Variants in SLC4A7 observed in about 807,000 individuals in gnomAD.
SLC4A7 encodes sodium bicarbonate cotransporter 3.
SLC4A7 carries 51 observed loss-of-function variants against 137.6 expected under a neutral mutation model. The ratio of observed to expected loss-of-function variants is 0.37; its 90% confidence interval spans 0.30 to 0.47. The LOEUF (loss-of-function observed/expected upper bound fraction) is 0.47, where lower values mean the gene tolerates loss of function less well. Ranked by LOEUF, SLC4A7 falls within the 20% of genes least tolerant of loss-of-function variation. SLC4A7 has a pLI of 1.00. For synonymous variants in SLC4A7, 542 were observed against 518.6 expected (o/e 1.05, Z -0.61); for missense variants, 1,247 against 1,525.4 (o/e 0.82, Z 3.04).
chr3:27,448,500 A>C, intron 3 of SLC4A7, 151 bp downstream of exon 3: 1 of 435,182 alleles, frequency 2.3e-6, no homozygotes, highest in East Asian at 3.8e-5. Context: ...TTATTACTTC[A>C]ATTGATATTC....
At chr3:27,435,113 TATTTCTAGCCTGAGAA>T (rs2056630527) in intron 5 of SLC4A7, among the ~76,000 whole-genome samples, 1 of 152,222 alleles carries the variant, frequency 6.6e-6, no homozygotes, top group Non-Finnish European at 1.5e-5. Context: ...AAAATTGAAG[TATTTCTAGCCTGAGAA>T]ATTGTATTAA....
chr3:27,383,263 T>C lies in SLC4A7; in HGVS notation c.3493-13A>G, dbSNP rs765688539. On this transcript the variant is annotated splice_polypyrimidine_tract_variant and intron_variant, in intron 23 of 25. Transcript: ENST00000454389. ...TCCGTTCAGCTTCCTTTATAACACA[T>C]GTGTGAAGAGGTTACTTTTCCCAGA... The C allele has an allele frequency of 1.3e-6, 2 of 1,526,496 alleles. No individual in the cohort carries two copies. Among genetic ancestry groups the C allele is most frequent in the Non-Finnish European group, 1.8e-6 (2 of 1,102,444 alleles). The allele number at this position is 1,526,496 out of a possible 1,614,324, so 94.6% of individuals were successfully genotyped here.
rs1241138216 is a variant in SLC4A7, at chr3:27,478,494, A to G, written c.60+5573T>C. 2.7e-5 allele frequency among the ~76,000 whole-genome samples: 4 copies of G among 149,032 alleles called. No individual in the cohort carries two copies. In the East Asian group the frequency reaches 5.9e-4, roughly 22 times the overall value. On this transcript the variant is annotated intron_variant, in intron 1 of 25. Coordinates refer to ENST00000454389, the MANE Select transcript of SLC4A7 (RefSeq NM_001321103.2). ...GATCGTACCACTGCACTCCTGGGCA[A>G]AAGAGCGAGACTGCCTCAAAAAAAA...
intron 3 of SLC4A7, among the ~76,000 whole-genome samples, chr3:27,439,562 T>C (rs2057025772): frequency 1.3e-5 from 2 of 152,216 alleles, no homozygotes; most frequent in Non-Finnish European, 2.9e-5. Flanking sequence ...TGCAACTATA[T>C]AGAAATATAA....
chr3:27,378,200 A>C (rs1009812620), intron 25 of SLC4A7, among the ~76,000 whole-genome samples: 1 of 152,224 alleles, frequency 6.6e-6, no homozygotes, highest in Non-Finnish European at 1.5e-5. Flanking sequence ...GAAGAGAAAA[A>C]CATATGATAG....
chr3:27,453,526 T>A (rs879095755), intron 1 of SLC4A7, among the ~76,000 whole-genome samples: 2 of 152,252 alleles, frequency 1.3e-5, no homozygotes, highest in Middle Eastern at 3.4e-3. Context: ...GGCAGGAGAA[T>A]CACTTGAACC....
At chr3:27,404,434 A>C (rs896014247) in intron 14 of SLC4A7, among the ~76,000 whole-genome samples, 1 of 152,240 alleles carries the variant, frequency 6.6e-6, no homozygotes, top group Non-Finnish European at 1.5e-5. Context: ...AAAGTCTAAC[A>C]GCTACAGTAC....
intron 8 of SLC4A7, 135 bp from the exon 9 acceptor site, chr3:27,421,914 T>C: frequency 4.6e-6 from 3 of 650,054 alleles, no homozygotes; most frequent in Non-Finnish European, 7.7e-6. Flanking sequence ...GTTTAAAATG[T>C]CAAAATTTTC....
chr3:27,377,864 C>T (rs2050050602), intron 25 of SLC4A7, among the ~76,000 whole-genome samples: 1 of 152,136 alleles, frequency 6.6e-6, no homozygotes, highest in South Asian at 2.1e-4. Context: ...GACCCCAATC[C>T]CCAAACATTT....
chr3:27,461,026 T>A (rs571667180), intron 1 of SLC4A7, among the ~76,000 whole-genome samples: 17 of 152,302 alleles, frequency 1.1e-4, no homozygotes, highest in Non-Finnish European at 2.4e-4. Context: ...AGAGCAAACA[T>A]ACTAAAGTGT....
chr3:27,451,413 T>C (rs2058067200), intron 2 of SLC4A7, among the ~76,000 whole-genome samples: 1 of 152,064 alleles, frequency 6.6e-6, no homozygotes, highest in Admixed American at 6.5e-5. Flanking sequence ...GTTGATATCA[T>C]ATTGTCCACA....
chr3:27,440,927 C>T (rs2057140684), intron 3 of SLC4A7, among the ~76,000 whole-genome samples: 1 of 152,018 alleles, frequency 6.6e-6, no homozygotes, highest in Non-Finnish European at 1.5e-5. Flanking sequence ...GGCCTGTACT[C>T]CTAGCTACTT....
At chr3:27,391,617 A>G in intron 21 of SLC4A7, 123 bp downstream of exon 21, 1 of 641,198 alleles carries the variant, frequency 1.6e-6, no homozygotes. Context: ...GTCATCAGTT[A>G]GAAAACTAAC....
intron 20 of SLC4A7, 83 bp from the exon 21 acceptor site, chr3:27,391,891 T>A: frequency 1.3e-6 from 1 of 774,382 alleles, no homozygotes; most frequent in Non-Finnish European, 2.1e-6. Context: ...AGGGCTAGAA[T>A]TAAAAGATTT....
chr3:27,471,636 T>C (rs905356626), intron 1 of SLC4A7, among the ~76,000 whole-genome samples: 1 of 152,172 alleles, frequency 6.6e-6, no homozygotes, highest in African/African-American at 2.4e-5. Flanking sequence ...CCTCCCAAAG[T>C]GCTGAGATTA....
At chr3:27,424,937 A>G (rs1242386929) in intron 7 of SLC4A7, among the ~76,000 whole-genome samples, 3 of 152,254 alleles carry the variant, frequency 2.0e-5, no homozygotes, top group African/African-American at 7.2e-5. Flanking sequence ...CAAAGGACAG[A>G]CACATATTGA....
intron 1 of SLC4A7, 133 bp from the exon 2 acceptor site, chr3:27,452,631 T>C (rs934584771): frequency 2.6e-5 from 12 of 464,236 alleles, no homozygotes; most frequent in African/African-American, 1.4e-4. Flanking sequence ...TTACAGCTAA[T>C]TGCATTCTTT....
chr3:27,389,841 C>G, intron 22 of SLC4A7, 90 bp downstream of exon 22: 1 of 1,017,472 alleles, frequency 9.8e-7, no homozygotes, highest in Admixed American at 2.8e-5. Context: ...ACGCATTATT[C>G]TTTTTCTCAA....
intron 25 of SLC4A7, among the ~76,000 whole-genome samples, chr3:27,377,613 G>A (rs767055068): frequency 6.6e-5 from 10 of 152,046 alleles, no homozygotes; most frequent in East Asian, 1.9e-4. Flanking sequence ...GGCTGGTCTC[G>A]AACTCCTGAC....
Sources: allele counts gnomAD v4.1 joint callset (sites outside exome capture counted in the v4.1 genomes callset), GRCh38; gene constraint gnomAD v4.1.1; transcripts MANE v1.5; gene names NCBI Gene and HGNC (gene_info 2026-07-23, HGNC 2026-07-21).